SEMA3D: variants seen among roughly 807,000 people sequenced by gnomAD.
SEMA3D encodes semaphorin 3D.
Under a neutral mutation model 100.1 loss-of-function variants are expected in SEMA3D, and 84 were observed. The observed-to-expected ratio is 0.84, with a 90% CI of 0.70 to 1.01. The LOEUF is 1.01. SEMA3D is among the 50% of genes least tolerant of loss of function. SEMA3D has a pLI of 0.00. For synonymous variants in SEMA3D, 312 were observed against 320.7 expected (o/e 0.97, Z 0.29); for missense variants, 875 against 934.1 (o/e 0.94, Z 0.82).
chr7:85,071,223 C>T (rs1331382198), intron 6 of SEMA3D, among the ~76,000 whole-genome samples: 2 of 152,174 alleles, frequency 1.3e-5, no homozygotes, highest in African/African-American at 4.8e-5. Flanking sequence ...TATTACCCTT[C>T]ATCAGAGTTA....
intron 14 of SEMA3D, among the ~76,000 whole-genome samples, chr7:85,019,800 G>T (rs1180814432): frequency 1.3e-5 from 2 of 151,486 alleles, no homozygotes; most frequent in African/African-American, 4.8e-5. Context: ...TTACTATGAT[G>T]CAACCTATAT....
At chr7:84,999,931 G>A in intron 18 of SEMA3D, 66 bp from the exon 19 acceptor site, 1 of 1,297,504 alleles carries the variant, frequency 7.7e-7, no homozygotes, top group Middle Eastern at 2.0e-4. Context: ...AATGAAAACA[G>A]GCTACATAGT....
chr7:85,042,889 C>T (rs943782698), intron 9 of SEMA3D, among the ~76,000 whole-genome samples: 20 of 152,168 alleles, frequency 1.3e-4, no homozygotes, highest in African/African-American at 2.4e-4. Flanking sequence ...CTATAAAATG[C>T]TTAGCATAGT....
chr7:85,228,537 C>T, the SEMA3D span, among the ~76,000 whole-genome samples: 120 of 152,158 alleles, frequency 7.9e-4, no homozygotes, highest in African/African-American at 2.7e-3. Flanking sequence ...CATCAGATAA[C>T]CTATGTTGTT....
intron 4 of SEMA3D, among the ~76,000 whole-genome samples, chr7:85,081,969 G>C (rs1351262880): frequency 1.3e-5 from 2 of 152,176 alleles, no homozygotes; most frequent in African/African-American, 4.8e-5. Flanking sequence ...GTGCCATGAA[G>C]TGTTAGAAAC....
chr7:85,106,745 C>T (rs1788938596), intron 3 of SEMA3D, among the ~76,000 whole-genome samples: 1 of 152,012 alleles, frequency 6.6e-6, no homozygotes, highest in Non-Finnish European at 1.5e-5. Context: ...GGGGAGGCCT[C>T]AGGAAACTTA....
chr7:85,197,084 GA>G, the SEMA3D span, among the ~76,000 whole-genome samples: 4 of 151,740 alleles, frequency 2.6e-5, no homozygotes, highest in African/African-American at 7.3e-5. Context: ...ACAAGACAAG[GA>G]AAAAAATGAA....
the SEMA3D span, among the ~76,000 whole-genome samples, chr7:85,192,818 A>G: frequency 6.6e-6 from 1 of 152,176 alleles, no homozygotes; most frequent in African/African-American, 2.4e-5. Flanking sequence ...TGCCACTTCA[A>G]TAAAATTACT....
chr7:85,150,327 T>C (rs1281540750), intron 2 of SEMA3D, among the ~76,000 whole-genome samples: 1 of 139,048 alleles, frequency 7.2e-6, no homozygotes, highest in Admixed American at 7.7e-5. Flanking sequence ...GATATTTCTG[T>C]TCTAAATACT....
At chr7:85,128,562 T>A (rs935379348) in intron 2 of SEMA3D, among the ~76,000 whole-genome samples, 1 of 152,096 alleles carries the variant, frequency 6.6e-6, no homozygotes, top group Non-Finnish European at 1.5e-5. Context: ...CTAAGCAATA[T>A]TTTGGCAAAT....
At chr7:85,222,414 T>C in the SEMA3D span, among the ~76,000 whole-genome samples, 2 of 152,168 alleles carry the variant, frequency 1.3e-5, no homozygotes. Context: ...ATATATTACA[T>C]ATATTTGTGT....
intron 4 of SEMA3D, among the ~76,000 whole-genome samples, chr7:85,084,081 A>T (rs1286018995): frequency 3.3e-5 from 5 of 151,260 alleles, no homozygotes; most frequent in Non-Finnish European, 5.9e-5. Flanking sequence ...CGGGAGGTGG[A>T]GCTTGCAGTG....
At chr7:85,170,227 T>G (rs1156450045) in intron 1 of SEMA3D, among the ~76,000 whole-genome samples, 2 of 151,898 alleles carry the variant, frequency 1.3e-5, no homozygotes, top group Non-Finnish European at 2.9e-5. Flanking sequence ...TTTCTAGTTC[T>G]ATGATGTATG....
the SEMA3D span, among the ~76,000 whole-genome samples, chr7:85,241,697 T>C: frequency 1.3e-5 from 2 of 150,832 alleles, no homozygotes; most frequent in African/African-American, 2.4e-5. Flanking sequence ...GTGTGAGGGA[T>C]AAAAAACTAA....
the SEMA3D span, among the ~76,000 whole-genome samples, chr7:85,210,750 T>C: frequency 6.6e-6 from 1 of 152,036 alleles, no homozygotes; most frequent in African/African-American, 2.4e-5. Flanking sequence ...TCAAAGTTGC[T>C]ATGTTAGGCT....
chr7:85,022,454 G>A lies in SEMA3D; in HGVS notation c.1351C>T (p.Gln451Ter), dbSNP rs1450899880. Residue 451 changes from glutamine to a stop codon, truncating the protein, a stop_gained, in exon 13 of 19, where the codon CAG becomes TAG. Coordinates refer to ENST00000284136, the MANE Select transcript of SEMA3D (RefSeq NM_001384900.1). LOFTEE classifies it high-confidence loss of function. ...GCAATGACATGATCCACCACTATCT[G>A]TGTCAGTCTGTAATCCACATTGATT... ...KRINVDYRLT[Q>*]IVVDHVIAED... The A allele has an allele frequency of 6.2e-7, 1 of 1,612,494 alleles. No homozygotes were observed.
intron 17 of SEMA3D, among the ~76,000 whole-genome samples, chr7:85,010,567 G>T (rs1336041972): frequency 6.6e-6 from 1 of 151,788 alleles, no homozygotes; most frequent in Non-Finnish European, 1.5e-5. Flanking sequence ...TAACTGAGAG[G>T]TTGGTGATAG....
chr7:85,009,484 A>AAT (rs1306538543), intron 17 of SEMA3D, among the ~76,000 whole-genome samples: 1 of 151,756 alleles, frequency 6.6e-6, no homozygotes. Flanking sequence ...TTAATTTGTA[A>AAT]ATATCATTAC....
chr7:85,122,100 G>A lies in SEMA3D; in HGVS notation c.-40-169C>T, dbSNP rs576324844. 7.2e-5 allele frequency among the ~76,000 whole-genome samples: 11 copies of A among 152,040 alleles called. No homozygotes were observed. The East Asian group carries it at 1.6e-3, about 21-fold the overall frequency. On this transcript the variant is annotated intron_variant, in intron 2 of 18. Transcript: ENST00000284136. ...CAGGGCCTGTTGGGGGCTGGGGGCT[G>A]GGGGAGGGAGAGCATTAGGAGAAAT...
Sources: allele counts gnomAD v4.1 joint callset (sites outside exome capture counted in the v4.1 genomes callset), GRCh38; gene constraint gnomAD v4.1.1; transcripts MANE v1.5; gene names NCBI Gene and HGNC (gene_info 2026-07-23, HGNC 2026-07-21).